CUBN: variants seen among roughly 807,000 people sequenced by gnomAD.
CUBN encodes the protein cubilin.
CUBN carries 282 observed loss-of-function variants against 405.3 expected under a neutral mutation model. The observed-to-expected ratio is 0.70, with a 90% CI of 0.63 to 0.77. The LOEUF is 0.77. Ranked by LOEUF, CUBN falls within the 30% of genes least tolerant of loss-of-function variation. The pLI is 0.00. For synonymous variants in CUBN, 1,684 were observed against 1,617.0 expected (o/e 1.04, Z -0.99); for missense variants, 4,514 against 4,475.2 (o/e 1.01, Z -0.25).
chr10:16,844,138 G>A (rs534932717), intron 60 of CUBN, among the ~76,000 whole-genome samples: 25 of 152,118 alleles, frequency 1.6e-4, no homozygotes, highest in African/African-American at 5.8e-4. Flanking sequence ...ATGTGGTGGC[G>A]CAGGCCTGTA....
At chr10:17,092,193 C>T (rs1467025792) in intron 14 of CUBN, among the ~76,000 whole-genome samples, 6 of 152,132 alleles carry the variant, frequency 3.9e-5, no homozygotes, top group East Asian at 1.9e-4. Context: ...ACCATACTGA[C>T]GCTTTCTGAC....
At chr10:16,861,516 G>C (rs1370590286) in intron 59 of CUBN, among the ~76,000 whole-genome samples, 2 of 151,970 alleles carry the variant, frequency 1.3e-5, no homozygotes, top group South Asian at 4.1e-4. Context: ...AAAAATTCTC[G>C]CATGTGAAAT....
Position 16,913,866 on chromosome 10 carries a change from AT to A in CUBN, c.7477del (p.Met2493CysfsTer5), listed in dbSNP as rs1429965909. 6.2e-7 allele frequency: 1 copy of A among 1,614,134 alleles called. No individual in the cohort carries two copies. The highest frequency in any genetic ancestry group is 8.5e-7 in the Non-Finnish European group (1 of 1,180,026). The part of the protein sequence containing the change: ...TAPEGRRITL[M>X]FNNLRLATHP... ...CGTGGCCAGCCTCAGGTTGTTAAAC[AT>A]TAGGGTGATCCGCCTTCCCTCCGGG... On this transcript the variant is annotated frameshift_variant, in exon 48 of 67. Transcript: ENST00000377833. LOFTEE classifies it high-confidence loss of function.
At chr10:17,115,291 T>G (rs781661294) in intron 7 of CUBN, among the ~76,000 whole-genome samples, 180 bp downstream of exon 7, 1 of 151,506 alleles carries the variant, frequency 6.6e-6, no homozygotes, top group Non-Finnish European at 1.5e-5. Flanking sequence ...GACATCTTAA[T>G]CTCTGGGTCC....
At chr10:17,031,026 C>T (rs889232286) in intron 27 of CUBN, among the ~76,000 whole-genome samples, 15 of 152,070 alleles carry the variant, frequency 9.9e-5, no homozygotes, top group South Asian at 2.1e-4. Context: ...ATGATAGGGA[C>T]AATACGAACA....
At chr10:16,918,959 G>C (rs1184748479) in intron 44 of CUBN, among the ~76,000 whole-genome samples, 159 bp from the exon 45 acceptor site, 2 of 152,150 alleles carry the variant, frequency 1.3e-5, no homozygotes, top group Non-Finnish European at 2.9e-5. Flanking sequence ...TTAAAATGCT[G>C]TATGATATTT....
At chr10:16,825,103 AT>A in intron 66 of CUBN, 21 bp from the exon 67 acceptor site, 2 of 1,511,712 alleles carry the variant, frequency 1.3e-6, no homozygotes, top group Non-Finnish European at 1.8e-6. Flanking sequence ...AAAAAAAAGT[AT>A]CCAATTATAT....
At chr10:16,826,578 G>GA (rs983550955) in intron 66 of CUBN, among the ~76,000 whole-genome samples, 1 of 150,938 alleles carries the variant, frequency 6.6e-6, no homozygotes, top group African/African-American at 2.4e-5. Flanking sequence ...GTACCTTTAA[G>GA]AAAAAAAACA....
chr10:17,036,063 T>C (rs1297841858), intron 27 of CUBN, among the ~76,000 whole-genome samples: 1 of 151,964 alleles, frequency 6.6e-6, no homozygotes, highest in Non-Finnish European at 1.5e-5. Context: ...TCTATGCCCC[T>C]GCTCACAAGT....
intron 51 of CUBN, 78 bp downstream of exon 51, chr10:16,903,888 A>T: frequency 9.5e-7 from 1 of 1,049,094 alleles, no homozygotes; most frequent in Non-Finnish European, 1.4e-6. Flanking sequence ...ATCTAACAAA[A>T]TATATATGAA....
At position 16,857,210 on chromosome 10, in the gene CUBN, T is replaced by A. The variant is rs145168958; in HGVS notation, c.9455-5767A>T. ...GTAATGAGGTTTTTTATTGTTTTGT[T>A]TGTTTTTAGTTGCTTCACTTAATTT... On this transcript the variant is annotated intron_variant, in intron 59 of 66. Coordinates refer to ENST00000377833, the MANE Select transcript of CUBN (RefSeq NM_001081.4). Among the ~76,000 whole-genome samples, 497 of 152,348 alleles carry A rather than the reference T, an allele frequency of 3.3e-3. 8 individuals carry two copies. Among genetic ancestry groups the A allele is most frequent in the African/African-American group, 0.012 (482 of 41,586 alleles).
At chr10:16,937,879 T>A in intron 38 of CUBN, 95 bp from the exon 39 acceptor site, 1 of 1,142,584 alleles carries the variant, frequency 8.8e-7, no homozygotes, top group Admixed American at 2.4e-5. Flanking sequence ...ATTACAATGT[T>A]ATCATAACAA....
chr10:16,913,789 T>C, intron 48 of CUBN, 22 bp downstream of exon 48: 1 of 1,612,454 alleles, frequency 6.2e-7, no homozygotes, highest in Non-Finnish European at 8.5e-7. Flanking sequence ...ATATAACATC[T>C]CAGGCGGCAG....
chr10:17,051,355 G>C (rs138249779), intron 22 of CUBN, among the ~76,000 whole-genome samples: 4 of 151,786 alleles, frequency 2.6e-5, no homozygotes, highest in East Asian at 3.9e-4. Flanking sequence ...GTGAGAGTCC[G>C]TCTTAAAAAA....
Position 17,099,986 on chromosome 10 carries a change from T to C in CUBN, c.1765+19A>G. 6.3e-7 allele frequency: 1 copy of C among 1,579,198 alleles called. No homozygotes were observed. The highest frequency in any genetic ancestry group is 8.7e-7 in the Non-Finnish European group (1 of 1,148,456). Reference sequence around the variant, plus strand: ...AACCTCAAAATTTTGCTTGCTTTTTTCTCCAGGTTCACACATACCTGGTTG... The same window carrying C: ...AACCTCAAAATTTTGCTTGCTTTTTCCTCCAGGTTCACACATACCTGGTTG... On this transcript the variant is annotated intron_variant, in intron 14 of 66. Transcript: ENST00000377833.
chr10:17,109,844 C>T, intron 9 of CUBN, 109 bp from the exon 10 acceptor site: 2 of 792,606 alleles, frequency 2.5e-6, no homozygotes, highest in South Asian at 1.4e-5. Context: ...GATCCTCTAT[C>T]ATCGAAACAA....
chr10:16,844,068 G>C (rs920570123), intron 60 of CUBN, among the ~76,000 whole-genome samples: 1 of 151,934 alleles, frequency 6.6e-6, no homozygotes, highest in Non-Finnish European at 1.5e-5. Flanking sequence ...TCAGGAGTTC[G>C]AGACCAGCCT....
At chr10:16,900,287 C>T (rs1185548341) in intron 53 of CUBN, among the ~76,000 whole-genome samples, 1 of 152,200 alleles carries the variant, frequency 6.6e-6, no homozygotes, top group African/African-American at 2.4e-5. Context: ...CTTGAGATTC[C>T]CAGGTTGTGC....
Position 17,068,590 on chromosome 10 carries a change from G to A in CUBN, c.2791+15C>T, listed in dbSNP as rs1186411910. On this transcript the variant is annotated intron_variant, in intron 20 of 66. Transcript: ENST00000377833. ...AGCCCAAGAGGAGGAAAAAAAAAAG[G>A]GAACAGTCTCTTACCCAAATCCTCA... The A allele has an allele frequency of 1.3e-6, 2 of 1,596,368 alleles. No individual in the cohort carries two copies. Among genetic ancestry groups the A allele is most frequent in the Non-Finnish European group, 1.7e-6 (2 of 1,169,608 alleles).
Sources: allele counts gnomAD v4.1 joint callset (sites outside exome capture counted in the v4.1 genomes callset), GRCh38; gene constraint gnomAD v4.1.1; transcripts MANE v1.5; gene names NCBI Gene and HGNC (gene_info 2026-07-23, HGNC 2026-07-21).